The following MAN1C1 variants were observed in gnomAD, a reference collection of about 807,000 sequenced individuals.
MAN1C1 encodes mannosidase alpha class 1C member 1.
A neutral mutation model predicts 71.5 loss-of-function variants in MAN1C1; 49 were observed. The observed-to-expected ratio is 0.69, with a 90% CI of 0.54 to 0.87. The LOEUF (loss-of-function observed/expected upper bound fraction) is 0.87. MAN1C1 is among the 40% of genes least tolerant of loss of function. The pLI is 0.00. For synonymous variants in MAN1C1, 352 were observed against 343.7 expected (o/e 1.02, Z -0.27); for missense variants, 743 against 835.0 (o/e 0.89, Z 1.36).
chr1:25,783,121 G>A (rs2047719541), intron 11 of MAN1C1, among the ~76,000 whole-genome samples: 1 of 152,138 alleles, frequency 6.6e-6, no homozygotes, highest in African/African-American at 2.4e-5. Context: ...CATGGAAGTT[G>A]GCCATCCCAC....
chr1:25,688,676 C>T (rs879145722), intron 2 of MAN1C1, among the ~76,000 whole-genome samples: 3 of 152,186 alleles, frequency 2.0e-5, no homozygotes, highest in Non-Finnish European at 2.9e-5. Flanking sequence ...ATGACCTGGG[C>T]GCAAGTCCTC....
rs563904107 is a variant in MAN1C1 at position 25,746,927 on chromosome 1, G to A, written c.753+144G>A. 9 of 633,598 alleles carry A rather than the reference G, an allele frequency of 1.4e-5. No homozygotes were observed. In the African/African-American group the frequency reaches 1.5e-4, roughly 10 times the overall value. The allele number at this position is 633,598 out of a possible 1,614,324, so 39.2% of individuals were successfully genotyped here. On this transcript the variant is annotated intron_variant, in intron 3 of 11. Coordinates refer to ENST00000374332, the MANE Select transcript of MAN1C1 (RefSeq NM_020379.4). The surrounding 1 kb of genome is among the most constrained non-coding windows in gnomAD (Gnocchi z 4.0). ...GCCCAGCAGTCTCGGAACCGGAGCT[G>A]CCGTGCAGTCTGTGCTGAGTCCCTT...
Position 25,746,817 on chromosome 1 carries a change from G to T in MAN1C1, c.753+34G>T. 1 of 1,157,006 alleles carries T rather than the reference G, an allele frequency of 8.6e-7. No homozygotes were observed. The highest frequency in any genetic ancestry group is 1.3e-5 in the South Asian group (1 of 75,306). 71.7% of individuals were successfully genotyped at this position (1,157,006 alleles called of 1,614,324 possible). A position where few individuals can be genotyped will look rare whatever the true frequency, so the allele number is the denominator to read the frequency against. On this transcript the variant is annotated intron_variant, in intron 3 of 11. Transcript: ENST00000374332. The surrounding 1 kb of genome is among the most constrained non-coding windows in gnomAD (Gnocchi z 4.0). ...GAGGCCCTCGGCGGGGGAGGGGGGCGGGGGCCAGAAGAGGCCCAACAGCCA... is the reference window on the plus strand; with the variant it reads ...GAGGCCCTCGGCGGGGGAGGGGGGCTGGGGCCAGAAGAGGCCCAACAGCCA...
chr1:25,620,706 A>C (rs2045194000), intron 1 of MAN1C1, among the ~76,000 whole-genome samples: 1 of 152,238 alleles, frequency 6.6e-6, no homozygotes, highest in Non-Finnish European at 1.5e-5. Flanking sequence ...CAGATAAAAA[A>C]AGGCCCTGTT....
At position 25,693,592 on chromosome 1, in the gene MAN1C1, C is replaced by T. The variant is rs144974696; in HGVS notation, c.637+7056C>T. Among the ~76,000 whole-genome samples, 506 of 152,318 alleles carry T rather than the reference C, an allele frequency of 3.3e-3. 3 individuals are homozygous for T. Among genetic ancestry groups the T allele is most frequent in the African/African-American group, 0.011 (450 of 41,554 alleles). ...ATTACAGTAAGCCGAGATTGCCCCA[C>T]TGCACTCCAGCTTGGGCGACAGAAT... On this transcript the variant is annotated intron_variant, in intron 2 of 11. Transcript: ENST00000374332.
chr1:25,656,438 C>A (rs1324050305), intron 1 of MAN1C1, among the ~76,000 whole-genome samples: 7 of 152,096 alleles, frequency 4.6e-5, no homozygotes, highest in African/African-American at 1.7e-4. Flanking sequence ...AATAAGGCTA[C>A]GGAGACATTT....
chr1:25,681,681 T>C (rs3014708), intron 1 of MAN1C1, among the ~76,000 whole-genome samples: 12,874 of 152,230 alleles, frequency 0.085, 797 homozygotes, highest in African/African-American at 0.17. Flanking sequence ...TGTTAGGTCA[T>C]ATGGTAACTC....
intron 2 of MAN1C1, among the ~76,000 whole-genome samples, chr1:25,721,814 G>T (rs1468464888): frequency 6.6e-6 from 1 of 152,148 alleles, no homozygotes; most frequent in Non-Finnish European, 1.5e-5. Context: ...AATAGAAGTG[G>T]ATATCCTTGT....
intron 1 of MAN1C1, among the ~76,000 whole-genome samples, chr1:25,621,733 C>T (rs996144714): frequency 2.6e-5 from 4 of 152,002 alleles, no homozygotes; most frequent in Admixed American, 1.3e-4. Context: ...CAGGTTCAAG[C>T]GATTCTCATG....
At position 25,753,391 on chromosome 1, in the gene MAN1C1, C is replaced by T. The variant is rs1012175448; in HGVS notation, c.835-93C>T. 1 of 889,204 alleles carries T rather than the reference C, an allele frequency of 1.1e-6. No homozygotes were observed. Among genetic ancestry groups the T allele is most frequent in the Non-Finnish European group, 1.7e-6 (1 of 577,170 alleles). The allele number at this position is 889,204 out of a possible 1,614,324, so 55.1% of individuals were successfully genotyped here. A position where few individuals can be genotyped will look rare whatever the true frequency, so the allele number is the denominator to read the frequency against. On this transcript the variant is annotated intron_variant, in intron 4 of 11. Transcript: ENST00000374332. The surrounding 1 kb of genome is among the most constrained non-coding windows in gnomAD (Gnocchi z 4.9). ...ACTGCCCCCTACTCTAGACCTGCAG[C>T]CCTGGGGGGTTCATCCTGCCTGCAG...
At chr1:25,703,938 G>A (rs1474458297) in intron 2 of MAN1C1, among the ~76,000 whole-genome samples, 1 of 152,166 alleles carries the variant, frequency 6.6e-6, no homozygotes, top group Non-Finnish European at 1.5e-5. Flanking sequence ...GGGTCACAAA[G>A]GGCCCACCTT....
chr1:25,677,877 C>G (rs1255640889), intron 1 of MAN1C1, among the ~76,000 whole-genome samples: 1 of 94,148 alleles, frequency 1.1e-5, no homozygotes, highest in Admixed American at 1.4e-4. Flanking sequence ...TTTTTTTAAT[C>G]AAAACCTAAC....
At chr1:25,678,841 G>A (rs2046104933) in intron 1 of MAN1C1, among the ~76,000 whole-genome samples, 1 of 152,124 alleles carries the variant, frequency 6.6e-6, no homozygotes, top group South Asian at 2.1e-4. Flanking sequence ...ATATGAGAGG[G>A]AAAAACAAAG....
chr1:25,771,646 T>C lies in MAN1C1; in HGVS notation c.1142-11T>C. ...ATGGAGATAATGTTCTTGTCCTCTT[T>C]CCCTTCACAGACCATGTCTCAGTTG... On this transcript the variant is annotated splice_polypyrimidine_tract_variant and intron_variant, in intron 7 of 11. Transcript: ENST00000374332. The C allele has an allele frequency of 1.3e-6, 2 of 1,599,062 alleles. No homozygotes were observed. The highest frequency in any genetic ancestry group is 2.2e-5 in the East Asian group (1 of 44,820).
At chr1:25,681,251 G>C (rs1306228741) in intron 1 of MAN1C1, among the ~76,000 whole-genome samples, 1 of 150,858 alleles carries the variant, frequency 6.6e-6, no homozygotes, top group Non-Finnish European at 1.5e-5. Context: ...GAAAAGAAAA[G>C]AAAAAGTAAA....
intron 1 of MAN1C1, among the ~76,000 whole-genome samples, chr1:25,648,775 A>G (rs746142767): frequency 6.6e-6 from 1 of 152,204 alleles, no homozygotes; most frequent in Non-Finnish European, 1.5e-5. Flanking sequence ...TCTCTTACAC[A>G]TTCAAAAAAT....
intron 11 of MAN1C1, among the ~76,000 whole-genome samples, chr1:25,783,139 C>G (rs1017660394): frequency 6.6e-6 from 1 of 152,186 alleles, no homozygotes; most frequent in East Asian, 1.9e-4. Flanking sequence ...CACTTCCTCA[C>G]TGTTCCCCAA....
chr1:25,750,932 T>G (rs568646354), intron 4 of MAN1C1, among the ~76,000 whole-genome samples: 1 of 152,020 alleles, frequency 6.6e-6, no homozygotes, highest in East Asian at 1.9e-4. Context: ...CAGGAAAGAG[T>G]TGGTGGCTGT....
At chr1:25,703,279 G>A (rs187536498) in intron 2 of MAN1C1, among the ~76,000 whole-genome samples, 6 of 152,330 alleles carry the variant, frequency 3.9e-5, no homozygotes, top group African/African-American at 1.4e-4. Flanking sequence ...TTTACTAGGT[G>A]TGGCAGGTCA....
Sources: allele counts gnomAD v4.1 joint callset (sites outside exome capture counted in the v4.1 genomes callset), GRCh38; gene constraint gnomAD v4.1.1; non-coding constraint Gnocchi (gnomAD v3.1); transcripts MANE v1.5; gene names NCBI Gene and HGNC (gene_info 2026-07-23, HGNC 2026-07-21).